The following SUN1 variants were observed in gnomAD, a reference collection of about 807,000 sequenced individuals.
SUN1 encodes the protein Sad1 and UNC84 domain containing 1.
In SUN1, 61 loss-of-function variants were observed where a neutral mutation model predicts 103.2. The observed-to-expected ratio is 0.59, with a 90% CI of 0.48 to 0.73. The LOEUF (loss-of-function observed/expected upper bound fraction) is 0.73, where lower values mean the gene tolerates loss of function less well. SUN1 is among the 30% of genes least tolerant of loss of function. The pLI, the probability that SUN1 is intolerant of heterozygous loss-of-function variation, is 0.00. For synonymous variants in SUN1, 490 were observed against 425.7 expected, an observed-to-expected ratio of 1.15 and a Z score of -1.86; for missense variants, 1,052 against 1,034.6, an observed-to-expected ratio of 1.02 and a Z score of -0.23.
upstream of SUN1, among the ~76,000 whole-genome samples, chr7:828,910 C>T (rs1038012976): frequency 6.6e-6 from 1 of 152,208 alleles, no homozygotes; most frequent in Non-Finnish European, 1.5e-5. Flanking sequence ...TTTCTGAGGC[C>T]CAGCTCCTAT....
rs1050700573 is a variant in SUN1 at position 868,950 on chromosome 7, G to T, written c.1981-399G>T. The T allele has an allele frequency of 4.0e-5, 9 of 224,508 alleles. 1 individual carries two copies. Among genetic ancestry groups the T allele is most frequent in the African/African-American group, 2.5e-4 (9 of 36,076 alleles). The allele number at this position is 224,508 out of a possible 1,614,324, so 13.9% of individuals were successfully genotyped here. ...GGTTCCCTGTGGTGTTGGTCGGATG[G>T]GGGGACAGTGCTGGTTCCCTGTGGT... On this transcript the variant is annotated intron_variant, in intron 16 of 18. Coordinates refer to ENST00000401592, the MANE Select transcript of SUN1 (RefSeq NM_001130965.3).
chr7:859,900 A>G (rs970321574), intron 13 of SUN1, among the ~76,000 whole-genome samples: 1 of 152,102 alleles, frequency 6.6e-6, no homozygotes, highest in Non-Finnish European at 1.5e-5. Context: ...AGCTCCTAGG[A>G]TGTGGGTCGC....
intron 1 of SUN1, among the ~76,000 whole-genome samples, chr7:835,800 A>G (rs1480884747): frequency 6.6e-6 from 1 of 152,242 alleles, no homozygotes; most frequent in African/African-American, 2.4e-5. Flanking sequence ...CTTCAGGGTC[A>G]GAGGAGGATG....
chr7:837,705 G>A (rs1804801165), intron 1 of SUN1, among the ~76,000 whole-genome samples: 1 of 152,222 alleles, frequency 6.6e-6, no homozygotes, highest in African/African-American at 2.4e-5. Context: ...CTACTGGGCT[G>A]TGTTGATTCC....
Position 842,046 on chromosome 7 carries a change from A to G in SUN1, c.367A>G (p.Ser123Gly), listed in dbSNP as rs1191063635. 1.2e-6 allele frequency: 2 copies of G among 1,614,110 alleles called. No homozygotes were observed. Among genetic ancestry groups the G allele is most frequent in the African/African-American group, 1.3e-5 (1 of 74,944 alleles). The change falls in exon 3 of 19, where the codon AGC becomes GGC. Residue 123 changes from serine (S) to glycine (G), a missense_variant. By Grantham distance (56) the Ser-to-Gly change is moderately conservative (BLOSUM62 0). Around this residue, in one of 2 missense-constraint regions of SUN1, gnomAD observed 846 missense variants for 774.5 expected, o/e 1.09. Transcript: ENST00000401592. ...TGGCGTCAGCCACGGCGGCACTGTC[A>G]GCCTGCAGGATGCTGTGACTCGACG... ...SSGVSHGGTV[S>G]LQDAVTRRPP... is the part of the protein sequence containing the mutation.
chr7:843,177 T>A (rs757705171), intron 3 of SUN1, 29 bp from the exon 4 acceptor site: 3 of 1,548,062 alleles, frequency 1.9e-6, no homozygotes, highest in Non-Finnish European at 2.6e-6. Flanking sequence ...ACAGCAAAAA[T>A]GTGTGTGTGT....
intron 7 of SUN1, 200 bp from the exon 8 acceptor site, chr7:852,409 G>C: frequency 1.5e-6 from 1 of 647,430 alleles, no homozygotes; most frequent in East Asian, 2.7e-5. Context: ...GCACCAGAGA[G>C]TTGGTAACGT....
intron 17 of SUN1, among the ~76,000 whole-genome samples, chr7:871,637 C>T: frequency 6.6e-6 from 1 of 152,198 alleles, no homozygotes; most frequent in East Asian, 1.9e-4. Context: ...ATCCACCCAC[C>T]TCGGCCTCCC....
In SUN1 at chr7:860,124, C is replaced by T. The variant is rs1831070967; in HGVS notation, c.1525-4C>T. On this transcript the variant is annotated splice_region_variant and splice_polypyrimidine_tract_variant and intron_variant, in intron 13 of 18. Coordinates refer to ENST00000401592, the MANE Select transcript of SUN1 (RefSeq NM_001130965.3). ...ACATTTGTGTCCGTCTGCTGTTTTA[C>T]TAGGTGGACGTGCAAGTCAGAGAAA... 4 of 1,613,232 alleles carry T rather than the reference C, an allele frequency of 2.5e-6. No homozygotes were observed. The highest frequency in any genetic ancestry group is 1.7e-5 in the Admixed American group (1 of 59,994).
chr7:825,652 G>A (rs563940218), intron 1 of SUN1, among the ~76,000 whole-genome samples: 21 of 152,178 alleles, frequency 1.4e-4, no homozygotes, highest in East Asian at 3.9e-4. Flanking sequence ...TAAATCATCC[G>A]GTTTTCATAA....
In SUN1 at chr7:866,587, C is replaced by T. The variant is rs973976267; in HGVS notation, c.1980+520C>T. On this transcript the variant is annotated intron_variant, in intron 16 of 18. Coordinates refer to ENST00000401592, the MANE Select transcript of SUN1 (RefSeq NM_001130965.3). Reference sequence around the variant, plus strand: ...ACCTTCGCCCCCACTGTCTCCCCACCATCTCCCCGGGCCTTCGCCCCCACT... The same window carrying T: ...ACCTTCGCCCCCACTGTCTCCCCACTATCTCCCCGGGCCTTCGCCCCCACT... Among the ~76,000 whole-genome samples the T allele has an allele frequency of 1.9e-4, 26 of 137,676 alleles. 2 individuals carry two copies. Among genetic ancestry groups the T allele is most frequent in the African/African-American group, 7.1e-4 (26 of 36,824 alleles). 90.3% of individuals were successfully genotyped at this position (137,676 alleles called of 152,430 possible).
intron 5 of SUN1, among the ~76,000 whole-genome samples, chr7:845,917 C>T (rs545431434): frequency 1.1e-4 from 16 of 151,986 alleles, no homozygotes; most frequent in African/African-American, 3.6e-4. Flanking sequence ...GTGGCTGTCC[C>T]GGGGTTCTCG....
chr7:843,258 C>A, intron 4 of SUN1, 26 bp downstream of exon 4: 1 of 1,606,628 alleles, frequency 6.2e-7, no homozygotes, highest in Non-Finnish European at 8.5e-7. Context: ...CTTTTATCTT[C>A]ATATACTTTT....
Position 852,624 on chromosome 7 carries a change from C to T in SUN1, c.867C>T (p.Ile289=). ...VFLLTRCLRN[I]CKFLVLLIPL... ...TTACTCCCAGGTGCCTTCGAAACATCTGCAAGTTTTTAGTCTTGCTCATCC... is the reference window on the plus strand; with the variant it reads ...TTACTCCCAGGTGCCTTCGAAACATTTGCAAGTTTTTAGTCTTGCTCATCC... Residue 289 remains isoleucine, a synonymous_variant, in exon 8 of 19, where the codon ATC becomes ATT. Transcript: ENST00000401592. 6.2e-7 allele frequency: 1 copy of T among 1,614,232 alleles called. No individual in the cohort carries two copies. Among genetic ancestry groups the T allele is most frequent in the Non-Finnish European group, 8.5e-7 (1 of 1,180,042 alleles).
intron 5 of SUN1, among the ~76,000 whole-genome samples, chr7:845,096 TGA>T (rs1814106826): frequency 6.6e-6 from 1 of 152,184 alleles, no homozygotes. Flanking sequence ...CACAGATAAT[TGA>T]GAGAAGCCAC....
In SUN1 at chr7:848,456, G is replaced by A. The variant is rs760113474; in HGVS notation, c.659-2928G>A. On this transcript the variant is annotated intron_variant, in intron 5 of 18. Transcript: ENST00000401592. ...CTACGTGAATAGGATTTTGTGGCTG[G>A]CCAGATACACTGCATCATCTTTTTC... 6 of 1,363,128 alleles carry A rather than the reference G, an allele frequency of 4.4e-6. No homozygotes were observed. The Admixed American group carries it at 9.6e-5, about 22-fold the overall frequency. 84.4% of individuals were successfully genotyped at this position (1,363,128 alleles called of 1,614,324 possible).
intron 2 of SUN1, among the ~76,000 whole-genome samples, chr7:839,864 T>G (rs991444655): frequency 2.6e-5 from 4 of 152,216 alleles, no homozygotes; most frequent in Non-Finnish European, 5.9e-5. Flanking sequence ...CAGTTCATTC[T>G]TTAGGTCTTT....
In SUN1 at chr7:852,270, A is replaced by T. The variant is rs542170528; in HGVS notation, c.851+227A>T. On this transcript the variant is annotated intron_variant, in intron 7 of 18. Transcript: ENST00000401592. Reference sequence around the variant, plus strand: ...AATGTGCAGAGGTGAGGCAGCTGGGAGGGCCTGGGCAGGATGGGGGACCCA... The same window carrying T: ...AATGTGCAGAGGTGAGGCAGCTGGGTGGGCCTGGGCAGGATGGGGGACCCA... 3.1e-5 allele frequency: 19 copies of T among 606,198 alleles called. No homozygotes were observed. The African/African-American group carries it at 3.3e-4, about 11-fold the overall frequency. The allele number at this position is 606,198 out of a possible 1,614,324, so 37.6% of individuals were successfully genotyped here. A position where few individuals can be genotyped will look rare whatever the true frequency, so the allele number is the denominator to read the frequency against.
chr7:870,661 C>T (rs1406527188), intron 17 of SUN1, among the ~76,000 whole-genome samples: 1 of 150,280 alleles, frequency 6.7e-6, no homozygotes, highest in Admixed American at 6.7e-5. Context: ...TTGTGGCCAT[C>T]CTCAAGTAGC....
Sources: gnomAD v4.1 joint callset for allele counts (sites outside exome capture counted in the v4.1 genomes callset) on GRCh38, gnomAD v4.1.1 for gene constraint, gnomAD v4.1.1 regional missense constraint, MANE v1.5 for transcripts, NCBI Gene and HGNC (gene_info 2026-07-23, HGNC 2026-07-21) for gene names.